KLHDC10: variants seen among roughly 807,000 people sequenced by gnomAD.
The protein encoded by KLHDC10 is kelch domain containing 10, also known as kelch domain-containing protein 10.
In KLHDC10, 24 loss-of-function variants were observed where a neutral mutation model predicts 56.1. The ratio of observed to expected loss-of-function variants is 0.43; its 90% CI spans 0.31 to 0.60. KLHDC10 has a LOEUF of 0.60. Ranked by LOEUF, KLHDC10 falls within the 20% of genes least tolerant of loss-of-function variation. The pLI is 0.11. For missense variants in KLHDC10, 349 were observed against 567.0 expected (o/e 0.62, Z 3.91); for synonymous variants, 188 against 207.1 (o/e 0.91, Z 0.79).
Position 130,134,733 on chromosome 7 carries a change from A to T in KLHDC10, c.*3987A>T, listed in dbSNP as rs1431527720. The T allele has an allele frequency of 6.6e-6, 1 of 151,716 alleles. No homozygotes were observed. Among genetic ancestry groups the T allele is most frequent in the East Asian group, 1.9e-4 (1 of 5,170 alleles). The allele number at this position is 151,716 out of a possible 1,614,324, so 9.4% of individuals were successfully genotyped here. A position where few individuals can be genotyped will look rare whatever the true frequency, so the allele number is the denominator to read the frequency against. On this transcript the variant is annotated 3_prime_UTR_variant, in exon 10 of 10. Coordinates refer to ENST00000335420, the MANE Select transcript of KLHDC10 (RefSeq NM_014997.4). ...ATAGCACAAAAAGCTATTTTCCTTT[A>T]TTTTTTGTATTATTTTTTATTTTTC...
In KLHDC10 at chr7:130,130,453, A is replaced by G. The variant is rs1584643064; in HGVS notation, c.1120-84A>G. On this transcript the variant is annotated intron_variant, in intron 9 of 9. Coordinates refer to ENST00000335420, the MANE Select transcript of KLHDC10 (RefSeq NM_014997.4). This position sits in a 1 kb window ranked among gnomAD's most constrained non-coding sequence, Gnocchi z 4.2. ...TCTTGTTTCATTTCATTTTGATTCC[A>G]TCTACTATGCTTTTTCCCCACTGAG... is the stretch of plus-strand genomic sequence containing the variant. 1.9e-6 allele frequency: 2 copies of G among 1,039,972 alleles called. No individual in the cohort carries two copies. Among genetic ancestry groups the G allele is most frequent in the Non-Finnish European group, 3.0e-6 (2 of 667,770 alleles). The allele number at this position is 1,039,972 out of a possible 1,614,324, so 64.4% of individuals were successfully genotyped here.
In KLHDC10 at chr7:130,125,959, C is replaced by T. The variant is rs760480895; in HGVS notation, c.931+28C>T. The T allele has an allele frequency of 7.9e-5, 112 of 1,420,990 alleles. No homozygotes were observed. In the Middle Eastern group the frequency reaches 1.9e-3, roughly 24 times the overall value. The allele number at this position is 1,420,990 out of a possible 1,614,324, so 88.0% of individuals were successfully genotyped here. A position where few individuals can be genotyped will look rare whatever the true frequency, so the allele number is the denominator to read the frequency against. ...AAATTTAAAGTATTGATTAATTTAT[C>T]TTTAACAAACATGTATTATACTTTT... On this transcript the variant is annotated intron_variant, in intron 7 of 9. Transcript: ENST00000335420.
chr7:130,075,236 A>G (rs921637264), intron 1 of KLHDC10, among the ~76,000 whole-genome samples: 1 of 152,204 alleles, frequency 6.6e-6, no homozygotes, highest in African/African-American at 2.4e-5. Context: ...AGTTTGATTA[A>G]ATACCATGAT....
In KLHDC10 at chr7:130,130,771, C is replaced by A; in HGVS notation, c.*25C>A. 6.3e-7 allele frequency: 1 copy of A among 1,595,286 alleles called. No individual in the cohort carries two copies. Among genetic ancestry groups the A allele is most frequent in the Non-Finnish European group, 8.6e-7 (1 of 1,162,926 alleles). On this transcript the variant is annotated 3_prime_UTR_variant, in exon 10 of 10. Coordinates refer to ENST00000335420, the MANE Select transcript of KLHDC10 (RefSeq NM_014997.4). The surrounding 1 kb of genome is among the most constrained non-coding windows in gnomAD (Gnocchi z 4.2). ...AGGATTTCTGGACTGTTCATTGATA[C>A]TGGAAATGTTAATTTAAAGAGACTC...
chr7:130,120,914 G>A lies in KLHDC10; in HGVS notation c.630+11G>A. The A allele has an allele frequency of 6.2e-7, 1 of 1,613,012 alleles. No homozygotes were observed. The highest frequency in any genetic ancestry group is 8.5e-7 in the Non-Finnish European group (1 of 1,179,344). On this transcript the variant is annotated intron_variant, in intron 4 of 9. Coordinates refer to ENST00000335420, the MANE Select transcript of KLHDC10 (RefSeq NM_014997.4). The surrounding 1 kb of genome is among the most constrained non-coding windows in gnomAD (Gnocchi z 5.1). ...CGTATATATGGACAGGTACCAATCT[G>A]TGGCCAGTCATGGTGTATTTGTTCA... is the stretch of plus-strand genomic sequence containing the variant.
rs570821552 is a variant in KLHDC10 at position 130,126,905 on chromosome 7, C to G, written c.932-499C>G. Among the ~76,000 whole-genome samples the G allele has an allele frequency of 1.6e-4, 24 of 152,162 alleles. No individual in the cohort carries two copies. In the South Asian group the frequency reaches 4.6e-3, roughly 29 times the overall value. ...GGAGGCTGAGCCCAGGAGTTCGAGACCAGCCTGTGCAACATGGTGAAACCC... is the reference window on the plus strand; with the variant it reads ...GGAGGCTGAGCCCAGGAGTTCGAGAGCAGCCTGTGCAACATGGTGAAACCC... On this transcript the variant is annotated intron_variant, in intron 7 of 9. Transcript: ENST00000335420.
chr7:130,103,596 C>T (rs1329591668), intron 2 of KLHDC10, among the ~76,000 whole-genome samples: 3 of 152,118 alleles, frequency 2.0e-5, no homozygotes, highest in African/African-American at 4.8e-5. Context: ...AACTGAAAAT[C>T]AGACTGGCAT....
At chr7:130,099,722 C>A (rs1308482772) in intron 2 of KLHDC10, among the ~76,000 whole-genome samples, 2 of 152,182 alleles carry the variant, frequency 1.3e-5, no homozygotes, top group Non-Finnish European at 2.9e-5. Context: ...ATCAAGTGGG[C>A]ACCACCCAAG....
chr7:130,075,420 T>C (rs1795484544), intron 1 of KLHDC10, among the ~76,000 whole-genome samples: 1 of 152,202 alleles, frequency 6.6e-6, no homozygotes, highest in Non-Finnish European at 1.5e-5. Flanking sequence ...AAAAAGTATA[T>C]GGTAAAAGGC....
intron 1 of KLHDC10, among the ~76,000 whole-genome samples, chr7:130,077,511 T>C (rs867611399): frequency 6.6e-6 from 1 of 151,044 alleles, no homozygotes; most frequent in South Asian, 2.1e-4. Context: ...TGTTTGTTGC[T>C]ATTGTAAATG....
At chr7:130,107,944 G>A (rs1258576473) in intron 2 of KLHDC10, among the ~76,000 whole-genome samples, 1 of 151,684 alleles carries the variant, frequency 6.6e-6, no homozygotes, top group Non-Finnish European at 1.5e-5. Flanking sequence ...GAACCCGGGA[G>A]GCGGAGGTTG....
chr7:130,101,157 A>G (rs538699749), intron 2 of KLHDC10, among the ~76,000 whole-genome samples: 3 of 152,304 alleles, frequency 2.0e-5, no homozygotes, highest in South Asian at 4.1e-4. Flanking sequence ...AATGATGATA[A>G]TAGTATCTAC....
chr7:130,128,751 T>A (rs80202067), intron 8 of KLHDC10, among the ~76,000 whole-genome samples: 4 of 151,106 alleles, frequency 2.6e-5, no homozygotes, highest in African/African-American at 9.7e-5. Flanking sequence ...ATTAAAATTT[T>A]TTTTGAGGCC....
intron 2 of KLHDC10, among the ~76,000 whole-genome samples, chr7:130,109,088 G>C (rs973585247): frequency 2.6e-5 from 4 of 151,752 alleles, no homozygotes; most frequent in African/African-American, 9.7e-5. Context: ...TATTTTTTTA[G>C]TAGGGTCAGG....
At chr7:130,070,902 G>A (rs1039276773) in intron 1 of KLHDC10, 93 bp downstream of exon 1, 3 of 925,724 alleles carry the variant, frequency 3.2e-6, no homozygotes, top group Non-Finnish European at 4.3e-6. Flanking sequence ...CTTGGGAGGA[G>A]GAAAGGCAGG....
In KLHDC10 at chr7:130,103,871, C is replaced by T. The variant is rs546309616; in HGVS notation, c.253+6864C>T. ...TTGGGAGGCTGAGGCGGGTGGATCA[C>T]GAGGTCAGGAGTTTGAGACCAGTCT... On this transcript the variant is annotated intron_variant, in intron 2 of 9. Transcript: ENST00000335420. 7.2e-5 allele frequency among the ~76,000 whole-genome samples: 11 copies of T among 152,050 alleles called. No individual in the cohort carries two copies. In the South Asian group the frequency reaches 1.5e-3, roughly 20 times the overall value.
chr7:130,106,979 A>G (rs1014501913), intron 2 of KLHDC10, among the ~76,000 whole-genome samples: 8 of 152,240 alleles, frequency 5.3e-5, no homozygotes, highest in Non-Finnish European at 7.3e-5. Context: ...TCAAAAATAA[A>G]TAAACAAATA....
rs996675293 is a variant in KLHDC10, at chr7:130,079,468, T to C, written c.166+8659T>C. 4.6e-5 allele frequency among the ~76,000 whole-genome samples: 7 copies of C among 152,322 alleles called. 1 individual carries two copies. In the South Asian group the frequency reaches 1.4e-3, roughly 32 times the overall value. ...GAATTATAATGTAATTTTTGTCCTTTGATCTATTATTGTGGTAGATTGTAT... is the reference window on the plus strand; with the variant it reads ...GAATTATAATGTAATTTTTGTCCTTCGATCTATTATTGTGGTAGATTGTAT... On this transcript the variant is annotated intron_variant, in intron 1 of 9. Coordinates refer to ENST00000335420, the MANE Select transcript of KLHDC10 (RefSeq NM_014997.4).
chr7:130,072,735 C>A (rs1795434696), intron 1 of KLHDC10, among the ~76,000 whole-genome samples: 1 of 145,256 alleles, frequency 6.9e-6, no homozygotes, highest in Admixed American at 7.0e-5. Context: ...GGAGATAAAA[C>A]CTTTTATTTT....
Sources: gnomAD v4.1 joint callset for allele counts (sites outside exome capture counted in the v4.1 genomes callset) on GRCh38, gnomAD v4.1.1 for gene constraint, Gnocchi (gnomAD v3.1) non-coding constraint, MANE v1.5 for transcripts, NCBI Gene and HGNC (gene_info 2026-07-23, HGNC 2026-07-21) for gene names.